The following OTUD7B variants were observed in gnomAD, a reference collection of about 807,000 sequenced individuals.
OTUD7B encodes OTU domain-containing protein 7B.
OTUD7B carries 34 observed loss-of-function variants against 82.2 expected under a neutral mutation model. The ratio of observed to expected loss-of-function variants is 0.41; its 90% confidence interval spans 0.31 to 0.55. The LOEUF (loss-of-function observed/expected upper bound fraction) is 0.55. Ranked by LOEUF, OTUD7B falls within the 20% of genes least tolerant of loss-of-function variation. The probability of loss-of-function intolerance (pLI) is 0.20; values close to 1 mark genes in which losing one functional copy is unlikely to be tolerated. For missense variants in OTUD7B, 944 were observed against 1,062.1 expected (o/e 0.89, Z 1.55); for synonymous variants, 398 against 402.7 (o/e 0.99, Z 0.14).
At chr1:150,065,323 C>A in the OTUD7B span, among the ~76,000 whole-genome samples, 2 of 152,158 alleles carry the variant, frequency 1.3e-5, no homozygotes, top group Non-Finnish European at 2.9e-5. Flanking sequence ...ATTGGCCTCG[C>A]CTTGGCCTTC....
upstream of OTUD7B, among the ~76,000 whole-genome samples, chr1:150,013,947 T>TACACACAC (rs1219362552): frequency 1.1e-4 from 12 of 104,386 alleles, 1 homozygote; most frequent in South Asian, 3.9e-3. Context: ...AATATATATA[T>TACACACAC]ACACACACAC....
chr1:150,004,411 T>A, intron 1 of OTUD7B, among the ~76,000 whole-genome samples: 1 of 151,608 alleles, frequency 6.6e-6, no homozygotes, highest in East Asian at 1.9e-4. Context: ...AATACAAAAA[T>A]TAGCTGGGCA....
In OTUD7B at chr1:149,944,650, G is replaced by C; in HGVS notation, c.1739C>G (p.Ser580Cys). 6.2e-7 allele frequency: 1 copy of C among 1,613,954 alleles called. No individual in the cohort carries two copies. ...ATACTTGCTCCCTCCGTTACCAACA[G>C]ACTCAGCTGGGGGCTTCTCAGACAC... ...GPVSEKPPAE[S>C]VGNGGSKYSQ... The change falls in exon 12 of 12, where the codon TCT becomes TGT. Residue 580 changes from serine (S) to cysteine (C), a missense_variant. Coordinates refer to ENST00000581312, the MANE Select transcript of OTUD7B (RefSeq NM_020205.4).
At position 149,984,394 on chromosome 1, in the gene OTUD7B, T is replaced by C. The variant is rs587752532; in HGVS notation, c.-66-6818A>G. Among the ~76,000 whole-genome samples, 11 of 152,344 alleles carry C rather than the reference T, an allele frequency of 7.2e-5. No individual in the cohort carries two copies. The East Asian group carries it at 1.9e-3, about 27-fold the overall frequency. On this transcript the variant is annotated intron_variant, in intron 1 of 11. Coordinates refer to ENST00000581312, the MANE Select transcript of OTUD7B (RefSeq NM_020205.4). ...GCAGAAAGAGAATGGCACTGGCTTA[T>C]ATATAAGATGAACACAATCATCCTT...
chr1:150,010,736 CT>C (rs1479522185), upstream of OTUD7B: 1 of 152,394 alleles, frequency 6.6e-6, no homozygotes, highest in African/African-American at 2.4e-5. Context: ...TGGCTTTCTG[CT>C]GTCCGGCCGG....
rs1559819913 is a variant in OTUD7B, at chr1:149,944,129, G to C, written c.2260C>G (p.His754Asp). Residue 754 changes from histidine (H) to aspartate (D), a missense_variant, in exon 12 of 12, where the codon CAC becomes GAC. This residue lies in a region of OTUD7B where 412 missense variants were observed against 418.7 expected (regional missense o/e 0.98). Coordinates refer to ENST00000581312, the MANE Select transcript of OTUD7B (RefSeq NM_020205.4). ...DSIPSLEPGS[H>D]SKDGLHRGAL... ...CCCCTGTGAAGTCCATCCTTAGAGTGGCTGCCTGGCTCCAGAGAAGGGATG... is the reference window on the plus strand; with the variant it reads ...CCCCTGTGAAGTCCATCCTTAGAGTCGCTGCCTGGCTCCAGAGAAGGGATG... 1.2e-6 allele frequency: 2 copies of C among 1,614,060 alleles called. No homozygotes were observed. Among genetic ancestry groups the C allele is most frequent in the Admixed American group, 3.3e-5 (2 of 60,014 alleles).
At chr1:150,049,507 T>C in the OTUD7B span, among the ~76,000 whole-genome samples, 4 of 152,164 alleles carry the variant, frequency 2.6e-5, no homozygotes, top group African/African-American at 9.7e-5. Context: ...TACAGTATAA[T>C]TTTCTGGGCA....
At chr1:149,980,712 G>GA (rs1287239698) in intron 1 of OTUD7B, among the ~76,000 whole-genome samples, 10 of 150,802 alleles carry the variant, frequency 6.6e-5, no homozygotes, top group Admixed American at 2.6e-4. Flanking sequence ...ACTCTGTCTC[G>GA]AAAAAAACAA....
chr1:149,993,953 T>G lies in OTUD7B; in HGVS notation c.-66-16377A>C, dbSNP rs587741330. Among the ~76,000 whole-genome samples the G allele has an allele frequency of 2.0e-5, 3 of 152,312 alleles. No homozygotes were observed. The East Asian group carries it at 5.8e-4, about 29-fold the overall frequency. ...AAGTAGTATGGGCAATGCTTCACAA[T>G]GACCACAATTACATAGGCCAAGTTT... On this transcript the variant is annotated intron_variant, in intron 1 of 11. Transcript: ENST00000581312.
At chr1:150,056,769 T>C in the OTUD7B span, among the ~76,000 whole-genome samples, 1 of 152,096 alleles carries the variant, frequency 6.6e-6, no homozygotes, top group Non-Finnish European at 1.5e-5. Flanking sequence ...AATAAATAAA[T>C]AAATGGGGGA....
intron 3 of OTUD7B, among the ~76,000 whole-genome samples, chr1:149,968,362 C>T (rs2101827145): frequency 6.6e-6 from 1 of 152,092 alleles, no homozygotes; most frequent in African/African-American, 2.4e-5. Context: ...TACAACTACT[C>T]TCAATACCCA....
chr1:150,023,109 C>G, the OTUD7B span, among the ~76,000 whole-genome samples: 1 of 152,172 alleles, frequency 6.6e-6, no homozygotes, highest in South Asian at 2.1e-4. Flanking sequence ...CACTAGACGA[C>G]CCAGAATAGC....
the OTUD7B span, among the ~76,000 whole-genome samples, chr1:150,063,841 T>C: frequency 4.6e-5 from 7 of 152,240 alleles, no homozygotes; most frequent in Admixed American, 3.3e-4. Flanking sequence ...TCTGTTTGAT[T>C]TGAGGCTGCG....
In OTUD7B at chr1:149,950,229, G is replaced by C. The variant is rs782316098; in HGVS notation, c.846-8C>G. 3.1e-6 allele frequency: 5 copies of C among 1,613,754 alleles called. No individual in the cohort carries two copies. In the Admixed American group the frequency reaches 6.7e-5, roughly 22 times the overall value. The stretch of plus-strand genomic sequence containing the variant: ...TCCTCAGAACTCTCCACCCTGGAAC[G>C]ACGGGAAGGGAGAGAGTGAAAAGGG... On this transcript the variant is annotated splice_polypyrimidine_tract_variant and splice_region_variant and intron_variant, in intron 7 of 11. Coordinates refer to ENST00000581312, the MANE Select transcript of OTUD7B (RefSeq NM_020205.4).
rs782732204 is a variant in OTUD7B at position 149,944,059 on chromosome 1, T to C, written c.2330A>G (p.Asn777Ser). Reference sequence around the variant, plus strand: ...TGGCTCAGGGGGCTCTCTGTAGCCATTGCTATAGGAATCAGCCACTCGGTA... The same window carrying C: ...TGGCTCAGGGGGCTCTCTGTAGCCACTGCTATAGGAATCAGCCACTCGGTA... ...PPYRVADSYS[N>S]GYREPPEPDG... The change falls in exon 12 of 12, where the codon AAT (asparagine) becomes AGT (serine). Residue 777 changes from asparagine to serine, a missense_variant. This residue lies in a region of OTUD7B where 412 missense variants were observed against 418.7 expected (regional missense o/e 0.98). Coordinates refer to ENST00000581312, the MANE Select transcript of OTUD7B (RefSeq NM_020205.4). 9.9e-6 allele frequency: 16 copies of C among 1,614,066 alleles called. No homozygotes were observed. The highest frequency in any genetic ancestry group is 1.3e-5 in the Non-Finnish European group (15 of 1,180,032).
chr1:149,944,941 C>T lies in OTUD7B; in HGVS notation c.1448G>A (p.Arg483Gln), dbSNP rs782203154. The T allele has an allele frequency of 9.9e-6, 16 of 1,614,072 alleles. No homozygotes were observed. The highest frequency in any genetic ancestry group is 5.5e-5 in the South Asian group (5 of 91,086). The stretch of plus-strand genomic sequence containing the variant: ...ATCTCGCTTTGACTTCTCCTTCCGC[C>T]GGCCGCCCTCGTTGCTGGTGGAACT... ...GSSSTSNEGG[R>Q]RKEKSKRDRE... is the part of the protein sequence containing the mutation. The change falls in exon 12 of 12, where the codon CGG (arginine) becomes CAG (glutamine). Residue 483 changes from arginine (R) to glutamine (Q), a missense_variant. Physicochemically the swap from Arg to Gln is conservative, Grantham distance 43. This residue lies in a region of OTUD7B where 530 missense variants were observed against 625.6 expected (regional missense o/e 0.85). Transcript: ENST00000581312.
rs1647251425 is a variant in OTUD7B, at chr1:149,941,496, C to G, written c.*2361G>C. The G allele has an allele frequency of 6.6e-6, 1 of 152,198 alleles. No homozygotes were observed. Among genetic ancestry groups the G allele is most frequent in the South Asian group, 2.1e-4 (1 of 4,828 alleles). 9.4% of individuals were successfully genotyped at this position (152,198 alleles called of 1,614,324 possible). On this transcript the variant is annotated 3_prime_UTR_variant, in exon 12 of 12. Transcript: ENST00000581312. ...TCAAATCACAGAAACAGGGACGTAACTAGGGTGAGGTGAGCAAAGCACTCA... is the reference window on the plus strand; with the variant it reads ...TCAAATCACAGAAACAGGGACGTAAGTAGGGTGAGGTGAGCAAAGCACTCA...
rs1366606855 is a variant in OTUD7B, at chr1:150,010,598, G to C, written c.-217C>G. On this transcript the variant is annotated 5_prime_UTR_variant, in exon 1 of 12. Transcript: ENST00000581312. ...GGCGGTGGTGGAGACTGCGACCGCAGCTGTTGCTCCGCACGGGATCTGGAG... is the reference window on the plus strand; with the variant it reads ...GGCGGTGGTGGAGACTGCGACCGCACCTGTTGCTCCGCACGGGATCTGGAG... 1 of 153,450 alleles carries C rather than the reference G, an allele frequency of 6.5e-6. No homozygotes were observed. The allele number at this position is 153,450 out of a possible 1,614,324, so 9.5% of individuals were successfully genotyped here. A position where few individuals can be genotyped will look rare whatever the true frequency, so the allele number is the denominator to read the frequency against.
chr1:150,016,446 C>CTTTTCTTTTTT, the OTUD7B span, among the ~76,000 whole-genome samples: 73 of 130,010 alleles, frequency 5.6e-4, 3 homozygotes, highest in Non-Finnish European at 8.2e-4. Context: ...TTTCTCTTTT[C>CTTTTCTTTTTT]TTTTTCTTTT....
Sources: gnomAD v4.1 joint callset for allele counts (sites outside exome capture counted in the v4.1 genomes callset) on GRCh38, gnomAD v4.1.1 for gene constraint, gnomAD v4.1.1 regional missense constraint, MANE v1.5 for transcripts, NCBI Gene and HGNC (gene_info 2026-07-23, HGNC 2026-07-21) for gene names.